ARHGEF38: variants seen among roughly 807,000 people sequenced by gnomAD.
The protein encoded by ARHGEF38 is Rho guanine nucleotide exchange factor (GEF) 38.
ARHGEF38 carries 79 observed loss-of-function variants against 79.9 expected under a neutral mutation model. The observed-to-expected ratio is 0.99, with a 90% CI of 0.82 to 1.19. ARHGEF38 has a LOEUF of 1.19. Ranked by LOEUF, ARHGEF38 falls within the 50% of genes most tolerant of loss-of-function variation. The pLI is 0.00. For missense variants in ARHGEF38, 962 were observed against 907.2 expected (o/e 1.06, Z -0.78); for synonymous variants, 366 against 328.3 (o/e 1.11, Z -1.24).
chr4:105,661,534 A>G (rs938790461), intron 10 of ARHGEF38, among the ~76,000 whole-genome samples: 3 of 149,474 alleles, frequency 2.0e-5, no homozygotes, highest in African/African-American at 7.3e-5. Context: ...AGCTATCCTA[A>G]TGGGTGTGCA....
rs1380619860 is a variant in ARHGEF38, at chr4:105,649,148, A to G, written c.1008+466A>G. On this transcript the variant is annotated intron_variant, in intron 7 of 13. Transcript: ENST00000420470. ...TATAAACAAAGTGTTTAGAGGCATA[A>G]CTTAGTGCAATTATTTTTTCTACTC... Among the ~76,000 whole-genome samples, 3 of 152,058 alleles carry G rather than the reference A, an allele frequency of 2.0e-5. No individual in the cohort carries two copies. The East Asian group carries it at 5.8e-4, about 29-fold the overall frequency.
chr4:105,604,963 G>A (rs1462826972), intron 2 of ARHGEF38, among the ~76,000 whole-genome samples: 1 of 151,992 alleles, frequency 6.6e-6, no homozygotes, highest in Non-Finnish European at 1.5e-5. Flanking sequence ...ATAAATCATA[G>A]TGTTTAGTCT....
chr4:105,594,413 T>C (rs890698337), intron 2 of ARHGEF38, among the ~76,000 whole-genome samples: 4 of 151,986 alleles, frequency 2.6e-5, no homozygotes, highest in Non-Finnish European at 1.5e-5. Context: ...TTCAGATAAC[T>C]ATAGCAATAA....
intron 3 of ARHGEF38, among the ~76,000 whole-genome samples, chr4:105,617,635 T>C (rs1728561766): frequency 6.6e-6 from 1 of 152,192 alleles, no homozygotes; most frequent in African/African-American, 2.4e-5. Context: ...TGAAATTGAA[T>C]TGCATTTTGT....
At chr4:105,657,966 G>A (rs1730405758) in intron 9 of ARHGEF38, among the ~76,000 whole-genome samples, 1 of 152,086 alleles carries the variant, frequency 6.6e-6, no homozygotes, top group Non-Finnish European at 1.5e-5. Flanking sequence ...AAGCATATAT[G>A]ATAAAGGGTA....
intron 5 of ARHGEF38, among the ~76,000 whole-genome samples, chr4:105,639,280 AC>A (rs1729524317): frequency 6.6e-6 from 1 of 151,938 alleles, no homozygotes; most frequent in East Asian, 1.9e-4. Flanking sequence ...GTGCATATTA[AC>A]CTTTGTCTTA....
At chr4:105,630,854 C>A in intron 3 of ARHGEF38, 44 bp from the exon 4 acceptor site, 1 of 1,541,258 alleles carries the variant, frequency 6.5e-7, no homozygotes, top group Non-Finnish European at 8.8e-7. Context: ...GAAGTGCCAG[C>A]TTTGTCTGAT....
chr4:105,623,819 G>A (rs559362023), intron 3 of ARHGEF38, among the ~76,000 whole-genome samples: 13 of 152,262 alleles, frequency 8.5e-5, no homozygotes, highest in African/African-American at 3.1e-4. Context: ...ATAGGCCAGA[G>A]CTTTTTCCTC....
At chr4:105,665,788 A>G (rs570758722) in intron 10 of ARHGEF38, among the ~76,000 whole-genome samples, 2 of 152,230 alleles carry the variant, frequency 1.3e-5, no homozygotes, top group African/African-American at 4.8e-5. Context: ...GTAGGAAGCA[A>G]TGTTGAAGAA....
In ARHGEF38 at chr4:105,552,872, CTG is replaced by C. The variant is rs754240515; in HGVS notation, c.110_111del (p.Val37GlyfsTer2). On this transcript the variant is annotated frameshift_variant, in exon 1 of 14. Coordinates refer to ENST00000420470, the MANE Select transcript of ARHGEF38 (RefSeq NM_001242729.2). LOFTEE classifies it high-confidence loss of function. Reference sequence around the variant, plus strand: ...ATGCTGGAGAGAAGGAAGACTGACACTGTGGTTGAGAGCAGTGTTTCTGGGGA... The same window carrying C: ...ATGCTGGAGAGAAGGAAGACTGACACTGGTTGAGAGCAGTGTTTCTGGGGA... The C allele has an allele frequency of 3.1e-6, 5 of 1,613,984 alleles. No individual in the cohort carries two copies. In the East Asian group the frequency reaches 8.9e-5, roughly 29 times the overall value.
chr4:105,566,720 C>T (rs1175796162), intron 1 of ARHGEF38, among the ~76,000 whole-genome samples: 1 of 151,602 alleles, frequency 6.6e-6, no homozygotes, highest in Non-Finnish European at 1.5e-5. Flanking sequence ...ACTACATCCT[C>T]CAGACTACCC....
chr4:105,644,384 T>A (rs1419706989), intron 5 of ARHGEF38, among the ~76,000 whole-genome samples: 3 of 152,212 alleles, frequency 2.0e-5, no homozygotes, highest in Admixed American at 1.3e-4. Flanking sequence ...CTTTTAGAAA[T>A]CACTGCCTTC....
At position 105,613,516 on chromosome 4, in the gene ARHGEF38, A is replaced by T; in HGVS notation, c.508+9A>T. On this transcript the variant is annotated intron_variant, in intron 3 of 13. Transcript: ENST00000420470. ...GGCCATGCAAGTAATTGGTATGTTT[A>T]TTCTCTTCTCGAGTTCTACAATACA... is the stretch of plus-strand genomic sequence containing the variant. The T allele has an allele frequency of 6.2e-7, 1 of 1,611,884 alleles. No individual in the cohort carries two copies. Among genetic ancestry groups the T allele is most frequent in the Non-Finnish European group, 8.5e-7 (1 of 1,178,734 alleles).
chr4:105,609,435 C>A (rs1728191388), intron 2 of ARHGEF38, among the ~76,000 whole-genome samples: 1 of 151,924 alleles, frequency 6.6e-6, no homozygotes, highest in South Asian at 2.1e-4. Flanking sequence ...AACTACTTAA[C>A]ATTGATAAAA....
At chr4:105,669,293 A>T (rs544341115) in intron 13 of ARHGEF38, among the ~76,000 whole-genome samples, 2 of 152,198 alleles carry the variant, frequency 1.3e-5, no homozygotes, top group Non-Finnish European at 2.9e-5. Flanking sequence ...ATTTAATTTT[A>T]TGTATATAAT....
At chr4:105,608,210 C>T (rs1027972280) in intron 2 of ARHGEF38, among the ~76,000 whole-genome samples, 1 of 152,062 alleles carries the variant, frequency 6.6e-6, no homozygotes, top group Non-Finnish European at 1.5e-5. Flanking sequence ...CACTATTCTC[C>T]ACATCCTCAC....
intron 3 of ARHGEF38, among the ~76,000 whole-genome samples, chr4:105,621,150 T>G (rs1728721071): frequency 6.6e-6 from 1 of 152,144 alleles, no homozygotes; most frequent in South Asian, 2.1e-4. Context: ...GATAAGTCCT[T>G]GGATGACTCA....
intron 1 of ARHGEF38, among the ~76,000 whole-genome samples, chr4:105,585,864 T>C (rs1727019895): frequency 6.6e-6 from 1 of 150,420 alleles, no homozygotes; most frequent in East Asian, 2.0e-4. Flanking sequence ...CCCAAGTAGC[T>C]GGGATTACAG....
intron 5 of ARHGEF38, among the ~76,000 whole-genome samples, chr4:105,643,888 T>C (rs1055000906): frequency 6.7e-6 from 1 of 148,212 alleles, no homozygotes; most frequent in Non-Finnish European, 1.5e-5. Flanking sequence ...TTTTTTTTTT[T>C]TTTTTTTGCG....
Sources: allele counts gnomAD v4.1 joint callset (sites outside exome capture counted in the v4.1 genomes callset), GRCh38; gene constraint gnomAD v4.1.1; transcripts MANE v1.5; gene names NCBI Gene and HGNC (gene_info 2026-07-23, HGNC 2026-07-21).